The following LCOR variants were observed in gnomAD, a reference collection of about 807,000 sequenced individuals.
The protein encoded by LCOR is ligand dependent nuclear receptor corepressor, also known as ligand-dependent corepressor.
A neutral mutation model predicts 64.4 loss-of-function variants in LCOR; 14 were observed. The observed-to-expected ratio is 0.22, with a 90% confidence interval of 0.14 to 0.34. The LOEUF (loss-of-function observed/expected upper bound fraction) is 0.34. LCOR is among the 10% of genes least tolerant of loss of function. The probability of loss-of-function intolerance (pLI) is 1.00; values close to 1 mark genes in which losing one functional copy is unlikely to be tolerated. For synonymous variants in LCOR, 643 were observed against 642.5 expected, an observed-to-expected ratio of 1.00 and a Z score of -0.01; for missense variants, 1,686 against 1,765.3, an observed-to-expected ratio of 0.96 and a Z score of 0.80.
intron 2 of LCOR, among the ~76,000 whole-genome samples, chr10:96,879,659 T>G (rs1442034117): frequency 6.6e-6 from 1 of 152,166 alleles, no homozygotes; most frequent in Non-Finnish European, 1.5e-5. Flanking sequence ...CTTTTTGTTT[T>G]GTTTTGTGTT....
intron 7 of LCOR, among the ~76,000 whole-genome samples, chr10:96,972,364 A>C (rs575035714): frequency 5.9e-5 from 9 of 152,208 alleles, no homozygotes; most frequent in African/African-American, 1.9e-4. Flanking sequence ...TAGAAACAAA[A>C]ATCAATTTGG....
chr10:96,904,777 A>G (rs553224843), intron 2 of LCOR, among the ~76,000 whole-genome samples: 1 of 152,184 alleles, frequency 6.6e-6, no homozygotes, highest in South Asian at 2.1e-4. Flanking sequence ...TTTTGAATAT[A>G]TTTGTTCTTC....
chr10:96,957,643 G>A (rs1847806708), intron 7 of LCOR: 1 of 985,380 alleles, frequency 1.0e-6, no homozygotes, highest in South Asian at 4.7e-5. Flanking sequence ...ACAGTTTGAG[G>A]GGAGGTCCAG....
chr10:96,907,846 G>A, intron 4 of LCOR, 99 bp downstream of exon 4: 1 of 277,844 alleles, frequency 3.6e-6, no homozygotes, highest in Non-Finnish European at 5.5e-6. Context: ...TGTAGGAAAA[G>A]GAAGGTATGG....
At position 96,983,990 on chromosome 10, in the gene LCOR, A is replaced by C. The variant is rs1013501287; in HGVS notation, c.3530A>C (p.Asn1177Thr). The change falls in exon 8 of 8, where the codon AAC becomes ACC. Residue 1177 changes from asparagine (N) to threonine (T), a missense_variant. This residue lies in a region of LCOR where 1,293 missense variants were observed against 1,410.4 expected (regional missense o/e 0.92). Transcript: ENST00000421806. This position sits in a 1 kb window ranked among gnomAD's most constrained non-coding sequence, Gnocchi z 4.5. ...CSPVQMLFMT[N>T]FKLSNVCKWF... Reference sequence around the variant, plus strand: ...CCTGTTCAGATGCTCTTTATGACAAACTTTAAATTATCTAATGTTTGTAAA... The same window carrying C: ...CCTGTTCAGATGCTCTTTATGACAACCTTTAAATTATCTAATGTTTGTAAA... The C allele has an allele frequency of 6.2e-7, 1 of 1,614,152 alleles. No homozygotes were observed. Among genetic ancestry groups the C allele is most frequent in the East Asian group, 2.2e-5 (1 of 44,888 alleles).
At chr10:96,873,710 C>G (rs1041563619) in intron 2 of LCOR, among the ~76,000 whole-genome samples, 1 of 150,876 alleles carries the variant, frequency 6.6e-6, no homozygotes, top group Non-Finnish European at 1.5e-5. Context: ...TCAAGCGATT[C>G]TCCTGCCTCA....
rs1286201208 is a variant in LCOR, at chr10:96,983,367, G to C, written c.2907G>C (p.Lys969Asn). Reference sequence around the variant, plus strand: ...TCCCCTCAGAAAGTATTGCTTGTAAGAGGGACCCAGAACAGGCAAAAGAAG... The same window carrying C: ...TCCCCTCAGAAAGTATTGCTTGTAACAGGGACCCAGAACAGGCAAAAGAAG... ...AHIPSESIAC[K>N]RDPEQAKEEP... Residue 969 changes from lysine to asparagine, a missense_variant, in exon 8 of 8, where the codon AAG becomes AAC. Lys to Asn is a moderately conservative substitution (Grantham distance 94). Around this residue, in one of 3 missense-constraint regions of LCOR, gnomAD observed 1,293 missense variants for 1,410.4 expected, o/e 0.92. Coordinates refer to ENST00000421806, the MANE Select transcript of LCOR (RefSeq NM_001346516.2). The surrounding 1 kb of genome is among the most constrained non-coding windows in gnomAD (Gnocchi z 4.5). The C allele has an allele frequency of 6.2e-7, 1 of 1,614,218 alleles. No individual in the cohort carries two copies. The highest frequency in any genetic ancestry group is 8.5e-7 in the Non-Finnish European group (1 of 1,180,046).
In LCOR at chr10:96,984,281, G is replaced by A. The variant is rs1396420326; in HGVS notation, c.3821G>A (p.Ser1274Asn). 1.2e-6 allele frequency: 2 copies of A among 1,614,064 alleles called. No individual in the cohort carries two copies. The highest frequency in any genetic ancestry group is 1.7e-6 in the Non-Finnish European group (2 of 1,180,044). Reference sequence around the variant, plus strand: ...GATCAAGTGGAGCCAGAAGATGGCAGTGATGTCAGCCCCGGCCCTAATTCT... The same window carrying A: ...GATCAAGTGGAGCCAGAAGATGGCAATGATGTCAGCCCCGGCCCTAATTCT... The part of the protein sequence containing the change: ...NPDQVEPEDG[S>N]DVSPGPNSED... Residue 1274 changes from serine to asparagine, a missense_variant, in exon 8 of 8, where the codon AGT becomes AAT. This residue lies in a region of LCOR where 1,293 missense variants were observed against 1,410.4 expected (regional missense o/e 0.92). Transcript: ENST00000421806.
At chr10:96,846,391 C>T (rs1845630519) in intron 2 of LCOR, among the ~76,000 whole-genome samples, 1 of 152,044 alleles carries the variant, frequency 6.6e-6, no homozygotes, top group Non-Finnish European at 1.5e-5. Flanking sequence ...AGGCTGGGAC[C>T]ACAGGTGTGT....
chr10:96,906,220 C>T (rs1846725383), intron 2 of LCOR, among the ~76,000 whole-genome samples: 3 of 152,190 alleles, frequency 2.0e-5, no homozygotes, highest in Admixed American at 2.0e-4. Flanking sequence ...AATTCAGTAA[C>T]ACTTTTTATA....
chr10:96,862,276 T>C, intron 2 of LCOR, among the ~76,000 whole-genome samples: 1 of 152,140 alleles, frequency 6.6e-6, no homozygotes, highest in East Asian at 1.9e-4. Flanking sequence ...GATTTTTTTT[T>C]CTTTTCTTTG....
At chr10:96,860,656 G>T (rs1269507272) in intron 2 of LCOR, among the ~76,000 whole-genome samples, 1 of 152,204 alleles carries the variant, frequency 6.6e-6, no homozygotes, top group African/African-American at 2.4e-5. Flanking sequence ...TTTTGGGTAA[G>T]TCCATCGTTT....
At chr10:96,934,098 A>G (rs1464094376) in intron 4 of LCOR, among the ~76,000 whole-genome samples, 1 of 152,228 alleles carries the variant, frequency 6.6e-6, no homozygotes, top group African/African-American at 2.4e-5. Flanking sequence ...AACAACTCTT[A>G]TTTAATGTAG....
chr10:96,951,692 G>A (rs144994674), intron 6 of LCOR, among the ~76,000 whole-genome samples: 10 of 152,136 alleles, frequency 6.6e-5, no homozygotes, highest in Non-Finnish European at 1.5e-4. Flanking sequence ...TTTAGCTCTT[G>A]AGGGATTTGG....
At chr10:96,891,482 CTTTTT>C (rs745839487) in intron 2 of LCOR, among the ~76,000 whole-genome samples, 2 of 28,490 alleles carry the variant, frequency 7.0e-5, no homozygotes, top group Non-Finnish European at 1.4e-4. Context: ...TTTTCTGACT[CTTTTT>C]TTTTTTTTTT....
At chr10:96,841,557 C>T (rs1845541828) in intron 2 of LCOR, among the ~76,000 whole-genome samples, 2 of 151,876 alleles carry the variant, frequency 1.3e-5, no homozygotes, top group Admixed American at 6.6e-5. Flanking sequence ...GACGGGGTTT[C>T]ACCATGTTGG....
intron 2 of LCOR, among the ~76,000 whole-genome samples, chr10:96,840,515 A>T (rs1022817038): frequency 9.9e-5 from 15 of 152,224 alleles, no homozygotes. Flanking sequence ...TGATGGCTGT[A>T]ACTAGGGTTT....
intron 2 of LCOR, among the ~76,000 whole-genome samples, chr10:96,868,109 C>G (rs1474366076): frequency 6.6e-6 from 1 of 152,004 alleles, no homozygotes; most frequent in African/African-American, 2.4e-5. Context: ...GTCTCGAACT[C>G]CCGACCTCAG....
intron 7 of LCOR, among the ~76,000 whole-genome samples, chr10:96,973,580 A>G (rs997269383): frequency 1.3e-5 from 2 of 152,200 alleles, no homozygotes; most frequent in Non-Finnish European, 2.9e-5. Flanking sequence ...CTGGCAAAAA[A>G]TATAACTTGT....
Sources: gnomAD v4.1 joint callset for allele counts (sites outside exome capture counted in the v4.1 genomes callset) on GRCh38, gnomAD v4.1.1 for gene constraint, gnomAD v4.1.1 regional missense constraint, Gnocchi (gnomAD v3.1) non-coding constraint, MANE v1.5 for transcripts, NCBI Gene and HGNC (gene_info 2026-07-23, HGNC 2026-07-21) for gene names.